Variants in CELF2 observed in about 807,000 individuals in gnomAD.
CELF2 encodes the protein CUGBP Elav-like family member 2, also known as CUG triplet repeat RNA-binding protein 2.
CELF2 carries 8 observed loss-of-function variants against 62.6 expected under a neutral mutation model. The observed-to-expected ratio is 0.13, with a 90% CI of 0.07 to 0.23. The LOEUF (loss-of-function observed/expected upper bound fraction) is 0.23, where lower values mean the gene tolerates loss of function less well. Among genes scored for constraint, CELF2 ranks in the 10% least tolerant of loss-of-function variants. The probability of loss-of-function intolerance (pLI) is 1.00; values close to 1 mark genes in which losing one functional copy is unlikely to be tolerated. For synonymous variants in CELF2, 258 were observed against 250.0 expected, an observed-to-expected ratio of 1.03 and a Z score of -0.30; for missense variants, 333 against 671.0, an observed-to-expected ratio of 0.50 and a Z score of 5.56.
At chr10:11,317,005 T>A (rs2095052218) in intron 10 of CELF2, 1 of 152,238 alleles carries the variant, frequency 6.6e-6, no homozygotes, top group Non-Finnish European at 1.5e-5. Context: ...GCATGTTTTA[T>A]ATGTTAACAT....
chr10:11,194,652 A>C (rs2056942355), intron 2 of CELF2, among the ~76,000 whole-genome samples: 1 of 152,190 alleles, frequency 6.6e-6, no homozygotes, highest in Admixed American at 6.5e-5. Flanking sequence ...TTTGGTTATT[A>C]TCAGCAAAGA....
rs1302485768 is a variant in CELF2, at chr10:11,260,662, T to A, written c.538+2790T>A. The stretch of plus-strand genomic sequence containing the variant: ...CCCTCCCCATCTGTTTTTTTTTTTT[T>A]TAAACAGCAGAAAAGTAATTTCTGG... On this transcript the variant is annotated intron_variant, in intron 5 of 12. Transcript: ENST00000633077. The surrounding 1 kb of genome is among the most constrained non-coding windows in gnomAD (Gnocchi z 4.2). Among the ~76,000 whole-genome samples the A allele has an allele frequency of 1.3e-5, 2 of 151,804 alleles. No homozygotes were observed. The highest frequency in any genetic ancestry group is 4.8e-5 in the African/African-American group (2 of 41,304).
intron 3 of CELF2, 140 bp from the exon 4 acceptor site, chr10:11,249,013 A>G (rs756904809): frequency 3.8e-4 from 249 of 653,144 alleles, no homozygotes; most frequent in Non-Finnish European, 6.3e-4. Context: ...ACTTTTTAAC[A>G]TAGTTAATAG....
chr10:11,181,536 T>G (rs917034671), intron 2 of CELF2, among the ~76,000 whole-genome samples: 1 of 152,218 alleles, frequency 6.6e-6, no homozygotes, highest in African/African-American at 2.4e-5. Flanking sequence ...TCTGATGGTT[T>G]CTGTTGTGGC....
chr10:11,079,241 A>G (rs1214772199), intron 1 of CELF2, among the ~76,000 whole-genome samples: 1 of 152,186 alleles, frequency 6.6e-6, no homozygotes, highest in Non-Finnish European at 1.5e-5. Flanking sequence ...ACTTACCTGA[A>G]CTAAAGTCCT....
chr10:10,763,356 G>A, the CELF2 span, among the ~76,000 whole-genome samples: 6 of 152,190 alleles, frequency 3.9e-5, no homozygotes, highest in African/African-American at 1.4e-4. Context: ...GATGTGGTCT[G>A]TGACATACAT....
At chr10:11,274,032 C>G (rs2138820778) in intron 7 of CELF2, among the ~76,000 whole-genome samples, 1 of 149,662 alleles carries the variant, frequency 6.7e-6, no homozygotes, top group South Asian at 2.1e-4. Flanking sequence ...CTGCACCTGG[C>G]TCTGAAAGCT....
At chr10:10,895,352 A>G (rs2062466078) in intron 1 of CELF2, among the ~76,000 whole-genome samples, 1 of 152,216 alleles carries the variant, frequency 6.6e-6, no homozygotes, top group African/African-American at 2.4e-5. Context: ...AGGGTTTGGT[A>G]GAAAGTAGAA....
chr10:10,922,259 C>T lies in CELF2; in HGVS notation c.89+2260C>T, dbSNP rs931715627. ...CCGAGTGTTCTGGTTTGTGTCTCCCCGCTAAAATTGTTTGTCTTTGTGCTT... is the reference window on the plus strand; with the variant it reads ...CCGAGTGTTCTGGTTTGTGTCTCCCTGCTAAAATTGTTTGTCTTTGTGCTT... On this transcript the variant is annotated intron_variant, in intron 2 of 13. Coordinates refer to the CELF2 transcript ENST00000636488. Among the ~76,000 whole-genome samples the T allele has an allele frequency of 6.6e-5, 10 of 152,132 alleles. No homozygotes were observed. In the East Asian group the frequency reaches 1.2e-3, roughly 18 times the overall value.
At chr10:10,465,108 A>G in the CELF2 span, among the ~76,000 whole-genome samples, 1 of 152,150 alleles carries the variant, frequency 6.6e-6, no homozygotes, top group Non-Finnish European at 1.5e-5. Context: ...ACATATGGAC[A>G]AAAATATATA....
At chr10:10,522,630 C>T in the CELF2 span, among the ~76,000 whole-genome samples, 9 of 152,232 alleles carry the variant, frequency 5.9e-5, no homozygotes, top group South Asian at 2.1e-4. Flanking sequence ...AATGCAATGG[C>T]GCAATCTTGG....
intron 3 of CELF2, among the ~76,000 whole-genome samples, chr10:11,239,213 G>T (rs1056246885): frequency 1.3e-5 from 2 of 152,006 alleles, no homozygotes; most frequent in South Asian, 2.1e-4. Context: ...GGACTAAATG[G>T]CTTTGTTGCT....
At chr10:11,036,809 T>G (rs1201354235) in intron 1 of CELF2, among the ~76,000 whole-genome samples, 1 of 152,218 alleles carries the variant, frequency 6.6e-6, no homozygotes, top group Admixed American at 6.5e-5. Context: ...GTTGGTTGTT[T>G]TTTTATGTCA....
intron 1 of CELF2, among the ~76,000 whole-genome samples, chr10:11,059,491 G>T (rs146942083): frequency 6.6e-6 from 1 of 152,242 alleles, no homozygotes; most frequent in Middle Eastern, 3.4e-3. Flanking sequence ...TACCTAGCAC[G>T]GTCTTTTTAA....
chr10:11,009,372 C>T (rs1297717574), intron 1 of CELF2, among the ~76,000 whole-genome samples: 1 of 151,768 alleles, frequency 6.6e-6, no homozygotes, highest in African/African-American at 2.4e-5. Flanking sequence ...TGCGTGCGCG[C>T]GTCGGAACCT....
At chr10:10,609,119 T>A in the CELF2 span, among the ~76,000 whole-genome samples, 2 of 152,218 alleles carry the variant, frequency 1.3e-5, no homozygotes. Flanking sequence ...GTAGGCAGTC[T>A]TAGTGTTCGT....
At chr10:10,557,375 T>C in the CELF2 span, among the ~76,000 whole-genome samples, 1 of 151,726 alleles carries the variant, frequency 6.6e-6, no homozygotes, top group Non-Finnish European at 1.5e-5. Flanking sequence ...AGGGCTCTTT[T>C]CTGTTCCATT....
chr10:10,559,902 G>A, the CELF2 span, among the ~76,000 whole-genome samples: 17 of 152,194 alleles, frequency 1.1e-4, no homozygotes, highest in South Asian at 4.2e-4. Flanking sequence ...CACTAAAATC[G>A]TTATTGAATG....
the CELF2 span, among the ~76,000 whole-genome samples, chr10:10,528,590 G>C: frequency 6.6e-6 from 1 of 152,148 alleles, no homozygotes; most frequent in Non-Finnish European, 1.5e-5. Context: ...CTGCCTCTTT[G>C]CTCAACAGAT....
Sources: gnomAD v4.1 joint callset for allele counts (sites outside exome capture counted in the v4.1 genomes callset) on GRCh38, gnomAD v4.1.1 for gene constraint, Gnocchi (gnomAD v3.1) non-coding constraint, MANE v1.5 for transcripts, NCBI Gene and HGNC (gene_info 2026-07-23, HGNC 2026-07-21) for gene names.